The following SV2C variants were observed in gnomAD, a reference collection of about 807,000 sequenced individuals.
SV2C encodes the protein solute carrier family 22 member B3.
Under a neutral mutation model 79.7 loss-of-function variants are expected in SV2C, and 49 were observed. That is an observed-to-expected ratio of 0.61 (90% CI 0.49 to 0.78). The LOEUF (loss-of-function observed/expected upper bound fraction) is 0.78, where lower values mean the gene tolerates loss of function less well. SV2C is among the 30% of genes least tolerant of loss of function. The pLI is 0.00. For synonymous variants in SV2C, 334 were observed against 333.2 expected, an observed-to-expected ratio of 1.00 and a Z score of -0.03; for missense variants, 833 against 912.9, an observed-to-expected ratio of 0.91 and a Z score of 1.13.
chr5:76,165,955 C>G (rs1393703102), intron 2 of SV2C, among the ~76,000 whole-genome samples: 1 of 152,110 alleles, frequency 6.6e-6, no homozygotes, highest in African/African-American at 2.4e-5. Flanking sequence ...GCAGCAGAGG[C>G]ATGCCCAGAA....
the SV2C span, among the ~76,000 whole-genome samples, chr5:75,899,789 C>A: frequency 0.016 from 2,482 of 152,130 alleles, 35 homozygotes; most frequent in African/African-American, 0.043. Flanking sequence ...GTTAGCTCTT[C>A]TTGTTGAATT....
chr5:76,291,140 T>C (rs1747547332), intron 6 of SV2C, 81 bp from the exon 7 acceptor site: 10 of 972,892 alleles, frequency 1.0e-5, no homozygotes, highest in African/African-American at 3.4e-5. Flanking sequence ...CAGTTTTTGC[T>C]CCTGTAAAAA....
At chr5:76,283,181 T>C (rs6875731) in intron 4 of SV2C, among the ~76,000 whole-genome samples, 22,041 of 151,950 alleles carry the variant, frequency 0.15, 1,867 homozygotes, top group African/African-American at 0.23. Flanking sequence ...GGCATGATGG[T>C]GTGCACCTGT....
intron 12 of SV2C, among the ~76,000 whole-genome samples, chr5:76,317,345 G>T (rs1349041613): frequency 6.6e-6 from 1 of 152,058 alleles, no homozygotes; most frequent in African/African-American, 2.4e-5. Context: ...TGAGTCTTGA[G>T]TATCCCTCTT....
At chr5:76,231,865 C>G (rs1745433768) in intron 4 of SV2C, among the ~76,000 whole-genome samples, 2 of 145,958 alleles carry the variant, frequency 1.4e-5, no homozygotes, top group South Asian at 4.2e-4. Flanking sequence ...GGTTCCAAGT[C>G]TTTGCTATTG....
the SV2C span, among the ~76,000 whole-genome samples, chr5:76,034,113 T>A: frequency 6.6e-6 from 1 of 151,898 alleles, no homozygotes; most frequent in Non-Finnish European, 1.5e-5. Context: ...CCTGAGACTT[T>A]GCTGAAGTTG....
At chr5:76,090,181 A>G (rs148325504) in intron 1 of SV2C, among the ~76,000 whole-genome samples, 2,749 of 152,286 alleles carry the variant, frequency 0.018, 41 homozygotes, top group South Asian at 0.05. Context: ...GGCCAGCTTC[A>G]TGGGTCTTTA....
At chr5:76,037,724 G>A in the SV2C span, among the ~76,000 whole-genome samples, 57 of 152,336 alleles carry the variant, frequency 3.7e-4, no homozygotes, top group African/African-American at 1.3e-3. Flanking sequence ...GCCCCCAGAG[G>A]TGGAGCCTAC....
rs376370299 is a variant in SV2C at position 76,295,931 on chromosome 5, C to T, written c.1491C>T (p.Tyr497=). The T allele has an allele frequency of 8.3e-5, 132 of 1,592,456 alleles. No individual in the cohort carries two copies. The East Asian group carries it at 1.4e-3, about 17-fold the overall frequency. Residue 497 remains tyrosine (Y), a synonymous_variant, in exon 9 of 13, where the codon TAC becomes TAT. Transcript: ENST00000502798. The stretch of plus-strand genomic sequence containing the variant: ...ATCAGATTCATACTGGAATGGAATA[C>T]GACAATGGCAGGTCTAGAAACTTGA... ...MENQIHTGME[Y]DNGRFIGVKF... is the part of the protein sequence containing the mutation.
At chr5:76,200,313 A>G (rs1243765830) in intron 3 of SV2C, among the ~76,000 whole-genome samples, 1 of 152,230 alleles carries the variant, frequency 6.6e-6, no homozygotes, top group Admixed American at 6.5e-5. Context: ...CCTGTCCATC[A>G]GCTCCATTTA....
At chr5:76,270,312 G>A (rs1164909136) in intron 4 of SV2C, among the ~76,000 whole-genome samples, 1 of 152,166 alleles carries the variant, frequency 6.6e-6, no homozygotes, top group African/African-American at 2.4e-5. Flanking sequence ...TGTGTGTGGG[G>A]GAAGTACTAG....
chr5:76,241,674 G>A (rs1284603227), intron 4 of SV2C, among the ~76,000 whole-genome samples: 8 of 151,504 alleles, frequency 5.3e-5, no homozygotes, highest in Admixed American at 5.2e-4. Context: ...AAAGGGAGAC[G>A]AGGACATAAA....
the SV2C span, among the ~76,000 whole-genome samples, chr5:75,939,716 A>G: frequency 2.0e-5 from 3 of 152,132 alleles, no homozygotes; most frequent in African/African-American, 7.2e-5. Context: ...CAGAAGCATC[A>G]CATGACTTGA....
the SV2C span, among the ~76,000 whole-genome samples, chr5:75,926,886 A>G: frequency 4.6e-5 from 7 of 152,240 alleles, no homozygotes; most frequent in African/African-American, 1.7e-4. Context: ...GACTAGAGGT[A>G]TCAATTTCCT....
chr5:75,881,196 G>A, the SV2C span, among the ~76,000 whole-genome samples: 3 of 152,274 alleles, frequency 2.0e-5, no homozygotes, highest in South Asian at 6.2e-4. Flanking sequence ...GTTTCAACGA[G>A]ATTTGGAGTG....
chr5:75,889,776 C>T, the SV2C span, among the ~76,000 whole-genome samples: 1 of 152,064 alleles, frequency 6.6e-6, no homozygotes, highest in Non-Finnish European at 1.5e-5. Flanking sequence ...TAAATGCTTT[C>T]AAAATTATCA....
At chr5:75,995,543 A>G in the SV2C span, among the ~76,000 whole-genome samples, 1 of 152,302 alleles carries the variant, frequency 6.6e-6, no homozygotes, top group East Asian at 1.9e-4. Context: ...TAGAAATGCT[A>G]TCAAATAATT....
At chr5:76,341,025 G>C (rs998065766) in intron 12 of SV2C, among the ~76,000 whole-genome samples, 21 of 149,856 alleles carry the variant, frequency 1.4e-4, no homozygotes, top group South Asian at 1.1e-3. Context: ...CTGCCTCCCA[G>C]GTTCAAGCGA....
intron 4 of SV2C, among the ~76,000 whole-genome samples, chr5:76,218,612 G>A (rs1432811064): frequency 6.6e-6 from 1 of 152,188 alleles, no homozygotes; most frequent in Non-Finnish European, 1.5e-5. Flanking sequence ...TTGGTTGAGG[G>A]AGGCAAGGGG....
Sources: gnomAD v4.1 joint callset for allele counts (sites outside exome capture counted in the v4.1 genomes callset) on GRCh38, gnomAD v4.1.1 for gene constraint, MANE v1.5 for transcripts, NCBI Gene and HGNC (gene_info 2026-07-23, HGNC 2026-07-21) for gene names.